Variants in BTBD9 observed in about 807,000 individuals in gnomAD.
BTBD9 encodes BTB/POZ domain-containing protein 9.
BTBD9 carries 49 observed loss-of-function variants against 64.3 expected under a neutral mutation model. That is an observed-to-expected ratio of 0.76 (90% CI 0.61 to 0.97). BTBD9 has a LOEUF of 0.97. Ranked by LOEUF, BTBD9 falls within the 50% of genes least tolerant of loss-of-function variation. The pLI, the probability that BTBD9 is intolerant of heterozygous loss-of-function variation, is 0.00. For synonymous variants in BTBD9, 260 were observed against 274.7 expected, an observed-to-expected ratio of 0.95 and a Z score of 0.53; for missense variants, 598 against 762.1, an observed-to-expected ratio of 0.78 and a Z score of 2.53.
chr6:38,261,034 G>C (rs1020360605), intron 8 of BTBD9, among the ~76,000 whole-genome samples: 1 of 151,970 alleles, frequency 6.6e-6, no homozygotes, highest in African/African-American at 2.4e-5. Context: ...CAATTTCCTG[G>C]ACTCAAGTGA....
chr6:38,344,638 T>C (rs1375150271), intron 7 of BTBD9, among the ~76,000 whole-genome samples: 1 of 152,188 alleles, frequency 6.6e-6, no homozygotes, highest in African/African-American at 2.4e-5. Flanking sequence ...ATCCAATCAA[T>C]ATCATACAGA....
chr6:38,389,806 T>C (rs930803722), intron 6 of BTBD9, among the ~76,000 whole-genome samples: 5 of 152,244 alleles, frequency 3.3e-5, no homozygotes, highest in African/African-American at 1.2e-4. Flanking sequence ...TTGTACATTT[T>C]ACAGGTTATA....
At chr6:38,555,244 C>T (rs928876259) in intron 6 of BTBD9, among the ~76,000 whole-genome samples, 1 of 152,154 alleles carries the variant, frequency 6.6e-6, no homozygotes, top group Non-Finnish European at 1.5e-5. Flanking sequence ...TCTAACTCTC[C>T]TTGCCTGTGT....
At chr6:38,218,192 G>A (rs1763079620) in intron 9 of BTBD9, among the ~76,000 whole-genome samples, 2 of 152,104 alleles carry the variant, frequency 1.3e-5, no homozygotes, top group South Asian at 4.1e-4. Context: ...CCTACCCCCA[G>A]GGGCAACAAA....
intron 6 of BTBD9, among the ~76,000 whole-genome samples, chr6:38,572,492 C>T (rs890668431): frequency 2.0e-5 from 3 of 151,882 alleles, no homozygotes; most frequent in South Asian, 2.1e-4. Flanking sequence ...TTTTCTATGA[C>T]ACATATGGCA....
intron 6 of BTBD9, among the ~76,000 whole-genome samples, chr6:38,544,788 G>A (rs1254189823): frequency 5.9e-5 from 9 of 151,822 alleles, no homozygotes; most frequent in East Asian, 3.9e-4. Flanking sequence ...TTAGCCGGGC[G>A]TGGTGGTGGG....
At chr6:38,606,695 A>C (rs1777442608) in intron 1 of BTBD9, among the ~76,000 whole-genome samples, 1 of 152,204 alleles carries the variant, frequency 6.6e-6, no homozygotes, top group Non-Finnish European at 1.5e-5. Context: ...CTCATCTAAC[A>C]ATAATGGCTA....
At chr6:38,456,164 C>A (rs539764131) in intron 6 of BTBD9, among the ~76,000 whole-genome samples, 49 of 148,348 alleles carry the variant, frequency 3.3e-4, no homozygotes, top group African/African-American at 1.2e-3. Flanking sequence ...ATTTTTGTAT[C>A]TTTAGTAGAC....
At chr6:38,330,346 C>T (rs1243943013) in intron 7 of BTBD9, among the ~76,000 whole-genome samples, 1 of 152,154 alleles carries the variant, frequency 6.6e-6, no homozygotes. Context: ...AGCCACTGTG[C>T]CTGGTCAGTA....
intron 9 of BTBD9, among the ~76,000 whole-genome samples, chr6:38,251,845 T>C (rs898118491): frequency 6.7e-6 from 1 of 150,286 alleles, no homozygotes; most frequent in African/African-American, 2.5e-5. Flanking sequence ...TGAGCCAAGA[T>C]TACGCCACTG....
chr6:38,447,475 A>T (rs1265943963), intron 6 of BTBD9, among the ~76,000 whole-genome samples: 1 of 152,224 alleles, frequency 6.6e-6, no homozygotes, highest in South Asian at 2.1e-4. Context: ...AAGCGCACTG[A>T]CATCCTTATT....
chr6:38,231,789 A>G (rs1024268408), intron 9 of BTBD9, among the ~76,000 whole-genome samples: 2 of 152,214 alleles, frequency 1.3e-5, no homozygotes, highest in Non-Finnish European at 2.9e-5. Flanking sequence ...CAAATTTCCT[A>G]CTATGACAGC....
intron 6 of BTBD9, among the ~76,000 whole-genome samples, chr6:38,535,765 G>A (rs921236710): frequency 8.5e-5 from 13 of 152,060 alleles, no homozygotes; most frequent in African/African-American, 2.4e-4. Flanking sequence ...GAAAAGGACA[G>A]TATCTTCAAT....
At chr6:38,444,132 A>G (rs142144690) in intron 6 of BTBD9, among the ~76,000 whole-genome samples, 32 of 152,328 alleles carry the variant, frequency 2.1e-4, no homozygotes, top group African/African-American at 7.2e-4. Context: ...CTCTAATAGC[A>G]AAGAGCCAGG....
intron 6 of BTBD9, among the ~76,000 whole-genome samples, chr6:38,456,692 A>G (rs1769826207): frequency 1.3e-5 from 2 of 152,194 alleles, no homozygotes; most frequent in Admixed American, 1.3e-4. Flanking sequence ...CTTTTCTTAA[A>G]AAAAGTTGGG....
At chr6:38,543,825 C>T (rs1774402515) in intron 6 of BTBD9, among the ~76,000 whole-genome samples, 2 of 151,790 alleles carry the variant, frequency 1.3e-5, no homozygotes, top group Admixed American at 1.3e-4. Context: ...GGCGTGTTGG[C>T]GGGCGCCTGT....
intron 1 of BTBD9, among the ~76,000 whole-genome samples, chr6:38,633,697 C>A (rs982121017): frequency 6.6e-6 from 1 of 152,080 alleles, no homozygotes; most frequent in Non-Finnish European, 1.5e-5. Context: ...GCCAGAGTAC[C>A]TAGTCTGTAA....
intron 4 of BTBD9, among the ~76,000 whole-genome samples, chr6:38,586,142 T>C (rs1776510975): frequency 6.6e-6 from 1 of 152,120 alleles, no homozygotes; most frequent in African/African-American, 2.4e-5. Context: ...AAACCTGAGA[T>C]ATACAAAATG....
chr6:38,239,438 C>CAA (rs750690746), intron 9 of BTBD9, among the ~76,000 whole-genome samples: 93 of 58,482 alleles, frequency 1.6e-3, no homozygotes, highest in Middle Eastern at 9.4e-3. Flanking sequence ...GACTCTGTCT[C>CAA]AAAAAAAAAA....
Sources: allele counts gnomAD v4.1 joint callset (sites outside exome capture counted in the v4.1 genomes callset), GRCh38; gene constraint gnomAD v4.1.1; transcripts MANE v1.5; gene names NCBI Gene and HGNC (gene_info 2026-07-23, HGNC 2026-07-21).